The following XPR1 variants were observed in gnomAD, a reference collection of about 807,000 sequenced individuals.
The protein encoded by XPR1 is solute carrier family 53 member 1.
A neutral mutation model predicts 87.5 loss-of-function variants in XPR1; 28 were observed. The ratio of observed to expected loss-of-function variants is 0.32; its 90% CI spans 0.24 to 0.44. The LOEUF (loss-of-function observed/expected upper bound fraction) is 0.44, where lower values mean the gene tolerates loss of function less well. Among genes scored for constraint, XPR1 ranks in the 20% least tolerant of loss-of-function variants. The pLI is 1.00. For missense variants in XPR1, 559 were observed against 862.3 expected (o/e 0.65, Z 4.41); for synonymous variants, 300 against 306.1 (o/e 0.98, Z 0.21).
chr1:180,699,157 T>A (rs956226154), intron 2 of XPR1, among the ~76,000 whole-genome samples: 1 of 151,918 alleles, frequency 6.6e-6, no homozygotes, highest in African/African-American at 2.4e-5. Context: ...ATTTGTCTGC[T>A]TTATAGTGTC....
At chr1:180,831,765 A>G (rs543652911) in intron 9 of XPR1, among the ~76,000 whole-genome samples, 6 of 152,090 alleles carry the variant, frequency 3.9e-5, no homozygotes, top group Non-Finnish European at 8.8e-5. Flanking sequence ...CATGGTGTAT[A>G]TGTGCCATAT....
At chr1:180,846,960 G>T (rs1651706590) in intron 11 of XPR1, among the ~76,000 whole-genome samples, 1 of 151,444 alleles carries the variant, frequency 6.6e-6, no homozygotes, top group African/African-American at 2.4e-5. Context: ...TTCCTCTCCT[G>T]TGGGCTCCTC....
chr1:180,812,467 G>GCT (rs1325629031), intron 7 of XPR1, among the ~76,000 whole-genome samples: 1 of 152,026 alleles, frequency 6.6e-6, no homozygotes, highest in East Asian at 1.9e-4. Context: ...CCCCAAATAT[G>GCT]CTCTTCTATC....
chr1:180,793,879 G>A (rs1649473977), intron 3 of XPR1, among the ~76,000 whole-genome samples: 1 of 151,062 alleles, frequency 6.6e-6, no homozygotes, highest in Non-Finnish European at 1.5e-5. Context: ...CCTTCCTTCT[G>A]TCTCTCTCCT....
chr1:180,777,489 C>G (rs974981759), intron 2 of XPR1, among the ~76,000 whole-genome samples: 1 of 152,114 alleles, frequency 6.6e-6, no homozygotes, highest in African/African-American at 2.4e-5. Flanking sequence ...GTTTATTTTG[C>G]TTATCGCTGT....
intron 11 of XPR1, among the ~76,000 whole-genome samples, chr1:180,838,708 A>G (rs1651396525): frequency 1.3e-5 from 2 of 152,222 alleles, no homozygotes; most frequent in African/African-American, 4.8e-5. Context: ...ACATTTTAAA[A>G]TAAAACTGCT....
Position 180,857,211 on chromosome 1 carries a change from A to G in XPR1, c.1502-6497A>G, listed in dbSNP as rs188768679. ...GTTCCTTGTCAGTACCCAAGTCCCA[A>G]CTTAAGAAACCTTCTCTGCCTGAAC... On this transcript the variant is annotated intron_variant, in intron 11 of 14. Coordinates refer to ENST00000367590, the MANE Select transcript of XPR1 (RefSeq NM_004736.4). Among the ~76,000 whole-genome samples the G allele has an allele frequency of 8.4e-4, 128 of 152,286 alleles. 1 individual carries two copies. The East Asian group carries it at 0.014, about 16-fold the overall frequency.
chr1:180,840,847 G>A (rs1651485756), intron 11 of XPR1, among the ~76,000 whole-genome samples: 1 of 151,842 alleles, frequency 6.6e-6, no homozygotes, highest in Admixed American at 6.6e-5. Context: ...TTCTGAGTTA[G>A]ATGCATGACC....
chr1:180,813,706 C>T (rs1443677124), intron 7 of XPR1, among the ~76,000 whole-genome samples: 1 of 152,110 alleles, frequency 6.6e-6, no homozygotes, highest in Non-Finnish European at 1.5e-5. Context: ...TTCTTATAGT[C>T]AAGGACTTTT....
Position 180,824,922 on chromosome 1 carries a change from G to T in XPR1, c.933G>T (p.Leu311Phe), listed in dbSNP as rs751413034. Residue 311 changes from leucine (L) to phenylalanine (F), a missense_variant, in exon 8 of 15, where the codon TTG becomes TTT. This residue lies in a region of XPR1 where 264 missense variants were observed against 377.2 expected (regional missense o/e 0.70). Coordinates refer to ENST00000367590, the MANE Select transcript of XPR1 (RefSeq NM_004736.4). ...LIFELNPRSN[L>F]SHQHLFEIAG... ...TTGAACTTAATCCGAGAAGCAATTT[G>T]TCTCATCAACATCTCTTTGAGGTAA... 6.2e-7 allele frequency: 1 copy of T among 1,613,658 alleles called. No homozygotes were observed. Among genetic ancestry groups the T allele is most frequent in the South Asian group, 1.1e-5 (1 of 90,918 alleles).
chr1:180,777,246 A>G (rs1346801627), intron 2 of XPR1, among the ~76,000 whole-genome samples: 1 of 152,014 alleles, frequency 6.6e-6, no homozygotes. Context: ...GGCTATTGTG[A>G]TCTCTCCCGT....
intron 12 of XPR1, among the ~76,000 whole-genome samples, chr1:180,864,841 C>G (rs926427017): frequency 2.0e-5 from 3 of 152,132 alleles, no homozygotes; most frequent in African/African-American, 7.2e-5. Context: ...CTAATCCCAG[C>G]TCTTTCACTA....
chr1:180,880,349 T>C, intron 14 of XPR1, 52 bp downstream of exon 14: 1 of 1,597,742 alleles, frequency 6.3e-7, no homozygotes. Context: ...GTTTTAGCAT[T>C]GGGTAGCATG....
At chr1:180,650,226 G>T (rs575793137) in intron 1 of XPR1, among the ~76,000 whole-genome samples, 1 of 151,750 alleles carries the variant, frequency 6.6e-6, no homozygotes, top group Admixed American at 6.6e-5. Context: ...ATTTACCGCC[G>T]TCCCCCCAAC....
intron 2 of XPR1, among the ~76,000 whole-genome samples, chr1:180,726,936 G>A (rs556418982): frequency 5.9e-5 from 9 of 151,312 alleles, no homozygotes; most frequent in East Asian, 1.9e-4. Flanking sequence ...GTGCAGTGGC[G>A]CGTTGTCGGC....
Position 180,757,518 on chromosome 1 carries a change from T to C in XPR1, c.122-30235T>C, listed in dbSNP as rs1055988181. On this transcript the variant is annotated intron_variant, in intron 2 of 14. Coordinates refer to ENST00000367590, the MANE Select transcript of XPR1 (RefSeq NM_004736.4). ...AAAGTTACTAGGCCTTTTTTTTTTT[T>C]TTTTTTAAAGAGTTAAGGTCTTGCT... Among the ~76,000 whole-genome samples, 29 of 151,464 alleles carry C rather than the reference T, an allele frequency of 1.9e-4. 1 individual carries two copies. The highest frequency in any genetic ancestry group is 1.5e-3 in the Admixed American group (23 of 15,206).
chr1:180,675,037 T>G (rs1450088062), intron 1 of XPR1, among the ~76,000 whole-genome samples: 2 of 152,230 alleles, frequency 1.3e-5, no homozygotes, highest in Non-Finnish European at 2.9e-5. Flanking sequence ...TTATAAGTAC[T>G]AGGAGTTTGT....
chr1:180,790,692 A>C (rs1383812417), intron 3 of XPR1, among the ~76,000 whole-genome samples: 1 of 151,946 alleles, frequency 6.6e-6, no homozygotes, highest in Non-Finnish European at 1.5e-5. Flanking sequence ...GGCACCCACC[A>C]CCATGCCCAG....
intron 9 of XPR1, among the ~76,000 whole-genome samples, chr1:180,830,697 AG>A (rs1571876983): frequency 6.6e-6 from 1 of 152,214 alleles, no homozygotes; most frequent in Non-Finnish European, 1.5e-5. Context: ...TAAGATAGAA[AG>A]GGGTCCTTTA....
Sources: allele counts gnomAD v4.1 joint callset (sites outside exome capture counted in the v4.1 genomes callset), GRCh38; gene constraint gnomAD v4.1.1; regional missense constraint gnomAD v4.1.1; transcripts MANE v1.5; gene names NCBI Gene and HGNC (gene_info 2026-07-23, HGNC 2026-07-21).